The following ZNF519 variants were observed in gnomAD, a reference collection of about 807,000 sequenced individuals.
ZNF519 encodes similar to Zinc finger protein 85 (Zinc finger protein HPF4) (HTF1).
ZNF519 carries 7 observed loss-of-function variants against 7.4 expected under a neutral mutation model. That is an observed-to-expected ratio of 0.94 (90% confidence interval 0.54 to 1.77). The LOEUF is 1.77. Among genes scored for constraint, ZNF519 ranks in the 40% most tolerant of loss-of-function variants. The pLI, the probability that ZNF519 is intolerant of heterozygous loss-of-function variation, is 0.00. For missense variants in ZNF519, 586 were observed against 623.1 expected, an observed-to-expected ratio of 0.94 and a Z score of 0.63; for synonymous variants, 179 against 203.3, an observed-to-expected ratio of 0.88 and a Z score of 1.02.
At chr18:14,077,883 C>A (rs2046054285) in intron 4 of ZNF519, among the ~76,000 whole-genome samples, 1 of 152,140 alleles carries the variant, frequency 6.6e-6, no homozygotes. Context: ...ATACAATAGA[C>A]TGGTAAAGAA....
chr18:14,114,755 C>G (rs2143146302), intron 2 of ZNF519, among the ~76,000 whole-genome samples: 1 of 152,016 alleles, frequency 6.6e-6, no homozygotes, highest in Non-Finnish European at 1.5e-5. Context: ...TAACTATAGT[C>G]AAAAGCAATT....
At position 14,101,715 on chromosome 18, in the gene ZNF519, C is replaced by T. The variant is rs2046162516; in HGVS notation, c.*3202G>A. The stretch of plus-strand genomic sequence containing the variant: ...TGGCCATGACAGCATGGTACACCTG[C>T]CCCTCACCCAGGGAGATGAAGTGTC... On this transcript the variant is annotated 3_prime_UTR_variant, in exon 3 of 3. Transcript: ENST00000590202. The T allele has an allele frequency of 5.0e-6, 2 of 398,608 alleles. No individual in the cohort carries two copies. The highest frequency in any genetic ancestry group is 2.1e-5 in the African/African-American group (1 of 48,620). The allele number at this position is 398,608 out of a possible 1,614,324, so 24.7% of individuals were successfully genotyped here. A position where few individuals can be genotyped will look rare whatever the true frequency, so the allele number is the denominator to read the frequency against.
Position 14,101,511 on chromosome 18 carries a change from A to G in ZNF519, c.*3406T>C. 1 of 396,578 alleles carries G rather than the reference A, an allele frequency of 2.5e-6. No homozygotes were observed. 24.6% of individuals were successfully genotyped at this position (396,578 alleles called of 1,614,324 possible). ...TGCTGGGGTGAAATGGTGGGGCTGA[A>G]GGAAGGAAACAGACTCAGGGTCCCT... On this transcript the variant is annotated 3_prime_UTR_variant, in exon 3 of 3. Transcript: ENST00000590202.
intron 2 of ZNF519, among the ~76,000 whole-genome samples, chr18:14,123,485 G>A (rs1489066239): frequency 3.3e-5 from 5 of 152,170 alleles, no homozygotes; most frequent in Non-Finnish European, 7.3e-5. Flanking sequence ...TTGAGAGGCC[G>A]AGGCAGGAGG....
intron 1 of ZNF519, among the ~76,000 whole-genome samples, chr18:14,126,919 G>GACGCC (rs2046302012): frequency 1.3e-5 from 2 of 152,174 alleles, no homozygotes; most frequent in Admixed American, 6.5e-5. Context: ...ACTATGGGCT[G>GACGCC]ACGCCTCCAT....
chr18:14,074,761 CCA>C (rs919794850), downstream of ZNF519: 2 of 152,206 alleles, frequency 1.3e-5, no homozygotes, highest in Admixed American at 6.5e-5. Context: ...CCAAACTTTC[CCA>C]CATTTTCCTT....
Position 14,105,365 on chromosome 18 carries a change from G to GTAAC in ZNF519, c.1171_1174dup (p.Thr392SerfsTer17), listed in dbSNP as rs755378399. 20 of 1,613,902 alleles carry GTAAC rather than the reference G, an allele frequency of 1.2e-5. No individual in the cohort carries two copies. In the East Asian group the frequency reaches 4.5e-4, roughly 36 times the overall value. On this transcript the variant is annotated frameshift_variant, in exon 3 of 3. Transcript: ENST00000590202. LOFTEE classifies it low-confidence loss of function (END_TRUNC). Reference sequence around the variant, plus strand: ...TCCAGTATGCATTCTCTGATGCTGAGTAACGTATGAGCTTCTATTAAAGGC... The same window carrying GTAAC: ...TCCAGTATGCATTCTCTGATGCTGAGTAACTAACGTATGAGCTTCTATTAAAGGC...
At chr18:14,130,187 C>T (rs1055605340) in intron 1 of ZNF519, among the ~76,000 whole-genome samples, 11 of 146,688 alleles carry the variant, frequency 7.5e-5, no homozygotes, top group African/African-American at 2.7e-4. Flanking sequence ...ATTTCATCTC[C>T]GATGGTCAAA....
downstream of ZNF519, among the ~76,000 whole-genome samples, chr18:14,095,672 G>A (rs75922463): frequency 0.022 from 3,365 of 152,312 alleles, 126 homozygotes; most frequent in African/African-American, 0.074. Flanking sequence ...GCATTGGCCT[G>A]GGGTCACGAA....
rs1318176759 is a variant in ZNF519 at position 14,104,125 on chromosome 18, G to A, written c.*792C>T. On this transcript the variant is annotated 3_prime_UTR_variant, in exon 3 of 3. Coordinates refer to ENST00000590202, the MANE Select transcript of ZNF519 (RefSeq NM_145287.4). The stretch of plus-strand genomic sequence containing the variant: ...TTATTTGCACCACTCTCTGATATTT[G>A]TGATTTCTTTATTGTTATCACAGTA... The A allele has an allele frequency of 6.6e-6, 1 of 152,114 alleles. No individual in the cohort carries two copies. Among genetic ancestry groups the A allele is most frequent in the African/African-American group, 2.4e-5 (1 of 41,422 alleles). 9.4% of individuals were successfully genotyped at this position (152,114 alleles called of 1,614,324 possible).
At chr18:14,071,679 G>C (rs186302564), downstream of ZNF519, 27 of 151,998 alleles carry the variant, frequency 1.8e-4, no homozygotes, top group Non-Finnish European at 3.8e-4. Context: ...ATAAACGCAG[G>C]TATAATTACA....
intron 2 of ZNF519, among the ~76,000 whole-genome samples, chr18:14,121,266 A>G (rs759550551): frequency 1.3e-5 from 2 of 152,152 alleles, no homozygotes; most frequent in African/African-American, 4.8e-5. Context: ...GCATTAGATT[A>G]GCCAGATAGC....
At chr18:14,089,311 C>T (rs1043984665) in intron 2 of ZNF519, among the ~76,000 whole-genome samples, 3 of 152,072 alleles carry the variant, frequency 2.0e-5, no homozygotes, top group African/African-American at 4.8e-5. Context: ...GATAAATATG[C>T]GAAGAAAACA....
chr18:14,123,432 T>C (rs958683959), intron 2 of ZNF519, among the ~76,000 whole-genome samples: 1 of 152,110 alleles, frequency 6.6e-6, no homozygotes, highest in Non-Finnish European at 1.5e-5. Flanking sequence ...AAATAACTGG[T>C]ACAGGGCCAG....
chr18:14,106,341 T>C lies in ZNF519; in HGVS notation c.199A>G (p.Thr67Ala). The change falls in exon 3 of 3, where the codon ACA becomes GCA. Residue 67 changes from threonine to alanine, a missense_variant. Coordinates refer to ENST00000590202, the MANE Select transcript of ZNF519 (RefSeq NM_145287.4). ...CCACAGCTCCCATATCTTCCCAGTG[T>C]TGCTTTTTTGAATGAATCTTGTATG... Reference protein sequence around the residue: ...QGIQDSFKKATLGRYGSCGLE... With the variant: ...QGIQDSFKKAALGRYGSCGLE... 1 of 1,613,022 alleles carries C rather than the reference T, an allele frequency of 6.2e-7. No individual in the cohort carries two copies. The highest frequency in any genetic ancestry group is 8.5e-7 in the Non-Finnish European group (1 of 1,179,744).
downstream of ZNF519, among the ~76,000 whole-genome samples, chr18:14,096,825 C>T (rs141400956): frequency 1.4e-4 from 22 of 152,302 alleles, no homozygotes; most frequent in Non-Finnish European, 2.8e-4. Flanking sequence ...GACAGCATTG[C>T]CCACTGCTCC....
intron 3 of ZNF519, chr18:14,082,346 T>C (rs1217890614): frequency 6.6e-6 from 1 of 152,170 alleles, no homozygotes; most frequent in Non-Finnish European, 1.5e-5. Flanking sequence ...AGTATTTCAA[T>C]ATTTGCTAAC....
downstream of ZNF519, chr18:14,074,327 G>A (rs895365569): frequency 6.6e-6 from 1 of 152,112 alleles, no homozygotes; most frequent in African/African-American, 2.4e-5. Flanking sequence ...GGGGGCACTG[G>A]GAAACAACTA....
chr18:14,089,563 G>A (rs199811587), intron 2 of ZNF519, among the ~76,000 whole-genome samples: 1 of 94,198 alleles, frequency 1.1e-5, no homozygotes, highest in Non-Finnish European at 2.2e-5. Context: ...AAAAAATAAT[G>A]TATGTTAACA....
Sources: gnomAD v4.1 joint callset for allele counts (sites outside exome capture counted in the v4.1 genomes callset) on GRCh38, gnomAD v4.1.1 for gene constraint, MANE v1.5 for transcripts, NCBI Gene and HGNC (gene_info 2026-07-23, HGNC 2026-07-21) for gene names.